FDPS: variants seen among roughly 807,000 people sequenced by gnomAD.
FDPS encodes farnesyl pyrophosphate synthase.
In FDPS, 29 loss-of-function variants were observed where a neutral mutation model predicts 49.5. The ratio of observed to expected loss-of-function variants is 0.59; its 90% CI spans 0.44 to 0.80. FDPS has a LOEUF of 0.80. Ranked by LOEUF, FDPS falls within the 30% of genes least tolerant of loss-of-function variation. FDPS has a pLI of 0.00. For synonymous variants in FDPS, 172 were observed against 206.4 expected, an observed-to-expected ratio of 0.83 and a Z score of 1.43; for missense variants, 414 against 525.6, an observed-to-expected ratio of 0.79 and a Z score of 2.08.
chr1:155,309,932 G>A lies in FDPS; in HGVS notation c.143G>A (p.Arg48His), dbSNP rs774455669. The A allele has an allele frequency of 4.3e-5, 69 of 1,604,256 alleles. No homozygotes were observed. The highest frequency in any genetic ancestry group is 4.9e-5 in the Non-Finnish European group (58 of 1,173,408). Residue 48 changes from arginine (R) to histidine (H), a missense_variant, in exon 2 of 11, where the codon CGC (arginine) becomes CAC (histidine). Arg to His is a conservative substitution (Grantham distance 29). Transcript: ENST00000368356. ...CCAGTCCTGGCCTGGCACAGTGCCC[G>A]CTGCTGGTGCCAAGCGTGGACAGAG... ...GYPVLAWHSA[R>H]CWCQAWTEEP...
rs778629636 is a variant in FDPS at position 155,309,890 on chromosome 1, C to T, written c.101C>T (p.Ser34Phe). 6.3e-7 allele frequency: 1 copy of T among 1,594,660 alleles called. No homozygotes were observed. Among genetic ancestry groups the T allele is most frequent in the South Asian group, 1.1e-5 (1 of 89,324 alleles). Residue 34 changes from serine (S) to phenylalanine (F), a missense_variant, in exon 2 of 11, where the codon TCC (serine) becomes TTC (phenylalanine). Ser to Phe is a radical substitution (Grantham distance 155). Transcript: ENST00000368356. ...ERWLGSLRRP[S>F]LVHGYPVLAW... Reference sequence around the variant, plus strand: ...TGGCTGGGTTCCCTACGGCGGCCCTCCCTGGTGCACGGGTACCCAGTCCTG... The same window carrying T: ...TGGCTGGGTTCCCTACGGCGGCCCTTCCTGGTGCACGGGTACCCAGTCCTG...
chr1:155,313,120 C>T (rs1223327512), intron 4 of FDPS: 18 of 152,072 alleles, frequency 1.2e-4, no homozygotes, highest in Admixed American at 1.2e-3. Flanking sequence ...AGATTTCACA[C>T]TAAAACCTAG....
intron 3 of FDPS, chr1:155,310,551 TC>T (rs1318056407): frequency 3.5e-5 from 8 of 225,390 alleles, no homozygotes; most frequent in Non-Finnish European, 6.2e-5. Flanking sequence ...CCTCAGGTGA[TC>T]CACCCACCTC....
intron 4 of FDPS, among the ~76,000 whole-genome samples, chr1:155,316,614 C>G (rs921186562): frequency 3.3e-5 from 5 of 152,034 alleles, no homozygotes; most frequent in African/African-American, 1.2e-4. Flanking sequence ...CCAGTCTCTA[C>G]TGAATGAAAA....
At chr1:155,309,276 A>G (rs1345411235) in intron 1 of FDPS, 1 of 152,246 alleles carries the variant, frequency 6.6e-6, no homozygotes, top group Admixed American at 6.5e-5. Flanking sequence ...CGGTTCAAGC[A>G]CCCCGGACCA....
chr1:155,313,930 T>G (rs1386153438), intron 4 of FDPS, among the ~76,000 whole-genome samples: 2 of 150,922 alleles, frequency 1.3e-5, no homozygotes, highest in Non-Finnish European at 3.0e-5. Flanking sequence ...GCAATTCTCC[T>G]GCCTCAGTCT....
chr1:155,318,578 A>G lies in FDPS; in HGVS notation c.685-87A>G. ...GCCTTTCTGATTCTGCCCAGTTGTC[A>G]GCTGGTATGGGATGTTGGGCTTGGG... On this transcript the variant is annotated intron_variant, in intron 6 of 10. Coordinates refer to ENST00000368356, the MANE Select transcript of FDPS (RefSeq NM_002004.4). This position sits in a 1 kb window ranked among gnomAD's most constrained non-coding sequence, Gnocchi z 4.2. 1 of 1,080,218 alleles carries G rather than the reference A, an allele frequency of 9.3e-7. No individual in the cohort carries two copies. Among genetic ancestry groups the G allele is most frequent in the East Asian group, 2.4e-5 (1 of 42,166 alleles). The allele number at this position is 1,080,218 out of a possible 1,614,324, so 66.9% of individuals were successfully genotyped here. A position where few individuals can be genotyped will look rare whatever the true frequency, so the allele number is the denominator to read the frequency against.
rs577971294 is a variant in FDPS, at chr1:155,313,497, CT to C, written c.480+1103del. On this transcript the variant is annotated intron_variant, in intron 4 of 10. Transcript: ENST00000368356. ...AGCAGCTGGCTCAAGGGAAGACGTGCTGAGCACAGTCAGCCCGGGTACGTTC... is the reference window on the plus strand; with the variant it reads ...AGCAGCTGGCTCAAGGGAAGACGTGCGAGCACAGTCAGCCCGGGTACGTTC... Among the ~76,000 whole-genome samples, 499 of 152,302 alleles carry C rather than the reference CT, an allele frequency of 3.3e-3. 3 individuals are homozygous for C. Among genetic ancestry groups the C allele is most frequent in the African/African-American group, 0.012 (482 of 41,560 alleles).
At position 155,317,985 on chromosome 1, in the gene FDPS, C is replaced by A; in HGVS notation, c.525C>A (p.Ser175=). 6.2e-7 allele frequency: 1 copy of A among 1,613,520 alleles called. No individual in the cohort carries two copies. The highest frequency in any genetic ancestry group is 8.5e-7 in the Non-Finnish European group (1 of 1,180,036). ...TGGCAGATGACATCATGGATTCATCCCTTACCCGCCGGGGACAGATCTGCT... is the reference window on the plus strand; with the variant it reads ...TGGCAGATGACATCATGGATTCATCACTTACCCGCCGGGGACAGATCTGCT... The part of the protein sequence containing the change: ...FLVADDIMDS[S]LTRRGQICWY... Residue 175 remains serine, a synonymous_variant, in exon 5 of 11, where the codon TCC becomes TCA. Coordinates refer to ENST00000368356, the MANE Select transcript of FDPS (RefSeq NM_002004.4).
In FDPS at chr1:155,312,325, T is replaced by C; in HGVS notation, c.410T>C (p.Leu137Pro). ...ACGGTGGTAGTAGCATTCCGGGAGC[T>C]GGTGGAGCCAAGGAAACAGGATGCT... ...GLTVVVAFRELVEPRKQDADS... is the reference protein window; with the variant it reads ...GLTVVVAFREPVEPRKQDADS... Residue 137 changes from leucine to proline, a missense_variant, in exon 4 of 11, where the codon CTG (leucine) becomes CCG (proline). Transcript: ENST00000368356. The C allele has an allele frequency of 6.2e-7, 1 of 1,613,990 alleles. No homozygotes were observed. Among genetic ancestry groups the C allele is most frequent in the Non-Finnish European group, 8.5e-7 (1 of 1,179,990 alleles).
Position 155,319,907 on chromosome 1 carries a change from A to G in FDPS, c.1038A>G (p.Pro346=). The G allele has an allele frequency of 6.2e-7, 1 of 1,614,202 alleles. No homozygotes were observed. The highest frequency in any genetic ancestry group is 8.5e-7 in the Non-Finnish European group (1 of 1,180,008). ...TTCAGTGTCTGCAACGGGCCACTCC[A>G]GAACAGTACCAGATCCTGAAGGTGC... ...LVVQCLQRAT[P]EQYQILKENY... Residue 346 remains proline, a synonymous_variant, in exon 10 of 11, where the codon CCA becomes CCG. Transcript: ENST00000368356.
At chr1:155,312,520 A>G in intron 4 of FDPS, 125 bp downstream of exon 4, 1 of 1,070,852 alleles carries the variant, frequency 9.3e-7, no homozygotes, top group East Asian at 2.6e-5. Flanking sequence ...CTAGTGTGCT[A>G]CGGCCAAATT....
chr1:155,318,654 G>C lies in FDPS; in HGVS notation c.685-11G>C. 1 of 1,604,636 alleles carries C rather than the reference G, an allele frequency of 6.2e-7. No homozygotes were observed. Among genetic ancestry groups the C allele is most frequent in the South Asian group, 1.1e-5 (1 of 90,882 alleles). On this transcript the variant is annotated splice_polypyrimidine_tract_variant and intron_variant, in intron 6 of 10. Coordinates refer to ENST00000368356, the MANE Select transcript of FDPS (RefSeq NM_002004.4). The surrounding 1 kb of genome is among the most constrained non-coding windows in gnomAD (Gnocchi z 4.2). ...AAAGCCTGGCTCATGGACCGTCTTTGTCTTGCTTAGAGTTCCTATCAGACT... is the reference window on the plus strand; with the variant it reads ...AAAGCCTGGCTCATGGACCGTCTTTCTCTTGCTTAGAGTTCCTATCAGACT...
chr1:155,320,180 T>C (rs1219970133), intron 10 of FDPS: 1 of 643,714 alleles, frequency 1.6e-6, no homozygotes, highest in African/African-American at 1.8e-5. Flanking sequence ...ATTTCAATAG[T>C]GCCAAGGTGG....
chr1:155,318,331 T>C lies in FDPS; in HGVS notation c.684+40T>C. 6 of 1,603,444 alleles carry C rather than the reference T, an allele frequency of 3.7e-6. No individual in the cohort carries two copies. The highest frequency in any genetic ancestry group is 5.1e-6 in the Non-Finnish European group (6 of 1,179,420). ...GGGCCCGATGCCCAGAGGGTGCCCA[T>C]GGTAGCCTTGGCCTCTATAGGACAT... On this transcript the variant is annotated intron_variant, in intron 6 of 10. Coordinates refer to ENST00000368356, the MANE Select transcript of FDPS (RefSeq NM_002004.4). This position sits in a 1 kb window ranked among gnomAD's most constrained non-coding sequence, Gnocchi z 4.2.
chr1:155,309,890 C>G lies in FDPS; in HGVS notation c.101C>G (p.Ser34Cys). ...ERWLGSLRRP[S>C]LVHGYPVLAW... The stretch of plus-strand genomic sequence containing the variant: ...TGGCTGGGTTCCCTACGGCGGCCCT[C>G]CCTGGTGCACGGGTACCCAGTCCTG... The change falls in exon 2 of 11, where the codon TCC (serine) becomes TGC (cysteine). Residue 34 changes from serine (S) to cysteine (C), a missense_variant. By Grantham distance (112) the Ser-to-Cys change is moderately radical (BLOSUM62 -1). Coordinates refer to ENST00000368356, the MANE Select transcript of FDPS (RefSeq NM_002004.4). 1 of 1,594,660 alleles carries G rather than the reference C, an allele frequency of 6.3e-7. No individual in the cohort carries two copies. The highest frequency in any genetic ancestry group is 8.5e-7 in the Non-Finnish European group (1 of 1,169,616).
At position 155,318,652 on chromosome 1, in the gene FDPS, T is replaced by C; in HGVS notation, c.685-13T>C. 6.2e-7 allele frequency: 1 copy of C among 1,602,002 alleles called. No individual in the cohort carries two copies. The highest frequency in any genetic ancestry group is 8.6e-7 in the Non-Finnish European group (1 of 1,169,024). The stretch of plus-strand genomic sequence containing the variant: ...AGAAAGCCTGGCTCATGGACCGTCT[T>C]TGTCTTGCTTAGAGTTCCTATCAGA... On this transcript the variant is annotated splice_polypyrimidine_tract_variant and intron_variant, in intron 6 of 10. Transcript: ENST00000368356. The surrounding 1 kb of genome is among the most constrained non-coding windows in gnomAD (Gnocchi z 4.2).
intron 9 of FDPS, 25 bp from the exon 10 acceptor site, chr1:155,319,769 T>C (rs1650060258): frequency 6.2e-7 from 1 of 1,614,086 alleles, no homozygotes; most frequent in Non-Finnish European, 8.5e-7. Flanking sequence ...CTTCCTCTTT[T>C]GCTGCCCTCC....
chr1:155,313,181 T>C (rs1409284056), intron 4 of FDPS, among the ~76,000 whole-genome samples: 3 of 152,210 alleles, frequency 2.0e-5, no homozygotes, highest in Non-Finnish European at 4.4e-5. Context: ...TGTTCCCGCA[T>C]AGCAACAATT....
Sources: gnomAD v4.1 joint callset for allele counts (sites outside exome capture counted in the v4.1 genomes callset) on GRCh38, gnomAD v4.1.1 for gene constraint, Gnocchi (gnomAD v3.1) non-coding constraint, MANE v1.5 for transcripts, NCBI Gene and HGNC (gene_info 2026-07-23, HGNC 2026-07-21) for gene names.